ZNF695: variants seen among roughly 807,000 people sequenced by gnomAD.
The protein encoded by ZNF695 is zinc finger protein 695, also known as zinc finger protein SBZF3.
Under a neutral mutation model 11.2 loss-of-function variants are expected in ZNF695, and 11 were observed. The observed-to-expected ratio is 0.98, with a 90% CI of 0.62 to 1.62. The LOEUF (loss-of-function observed/expected upper bound fraction) is 1.62, where lower values mean the gene tolerates loss of function less well. Ranked by LOEUF, ZNF695 falls within the 40% of genes most tolerant of loss-of-function variation. ZNF695 has a pLI of 0.00. For synonymous variants in ZNF695, 190 were observed against 201.4 expected (o/e 0.94, Z 0.48); for missense variants, 559 against 590.5 (o/e 0.95, Z 0.55).
At chr1:246,980,295 A>G (rs1288714570) in intron 4 of ZNF695, among the ~76,000 whole-genome samples, 1 of 151,714 alleles carries the variant, frequency 6.6e-6, no homozygotes, top group East Asian at 1.9e-4. Context: ...AAAATGATAC[A>G]TTTAGTCACT....
intron 1 of ZNF695, among the ~76,000 whole-genome samples, chr1:247,003,543 A>T (rs886827706): frequency 6.6e-6 from 1 of 152,216 alleles, no homozygotes; most frequent in African/African-American, 2.4e-5. Context: ...AACAACCATG[A>T]AACAAAATTT....
intron 5 of ZNF695, among the ~76,000 whole-genome samples, chr1:246,955,135 C>T (rs1419424761): frequency 1.3e-5 from 2 of 152,162 alleles, no homozygotes; most frequent in Non-Finnish European, 2.9e-5. Context: ...GCCTTTGCTC[C>T]TCCTTCACCT....
intron 4 of ZNF695, chr1:246,969,385 A>G (rs1668368536): frequency 6.6e-6 from 1 of 152,248 alleles, no homozygotes; most frequent in African/African-American, 2.4e-5. Context: ...GTAGCTCCCA[A>G]TAAGGTCCTC....
At chr1:247,001,460 G>C (rs532776809) in intron 1 of ZNF695, among the ~76,000 whole-genome samples, 1 of 150,942 alleles carries the variant, frequency 6.6e-6, no homozygotes, top group South Asian at 2.1e-4. Flanking sequence ...AGCTGTAATC[G>C]CAGCACTTTG....
At chr1:246,964,554 G>A (rs1175043254) in intron 5 of ZNF695, among the ~76,000 whole-genome samples, 1 of 152,228 alleles carries the variant, frequency 6.6e-6, no homozygotes, top group Non-Finnish European at 1.5e-5. Flanking sequence ...TTGAATGTTT[G>A]TCTCTTCAGA....
chr1:246,999,213 G>A (rs990065300), intron 3 of ZNF695, 135 bp downstream of exon 3: 1 of 663,128 alleles, frequency 1.5e-6, no homozygotes. Flanking sequence ...CCCTATGTGG[G>A]AGCAAGAGAA....
rs545570210 is a variant in ZNF695, at chr1:247,005,702, G to A, written c.3+2204C>T. Among the ~76,000 whole-genome samples the A allele has an allele frequency of 5.9e-5, 9 of 151,794 alleles. No homozygotes were observed. In the South Asian group the frequency reaches 1.2e-3, roughly 21 times the overall value. On this transcript the variant is annotated intron_variant, in intron 1 of 3. Coordinates refer to ENST00000339986, the MANE Select transcript of ZNF695 (RefSeq NM_020394.5). ...AACAAAACAAACAAACAAAAAAAACGATAAAAAACAACAACAAAAAAACTT... is the reference window on the plus strand; with the variant it reads ...AACAAAACAAACAAACAAAAAAAACAATAAAAAACAACAACAAAAAAACTT...
At chr1:246,976,709 G>A (rs1057510412) in intron 4 of ZNF695, among the ~76,000 whole-genome samples, 23 of 152,168 alleles carry the variant, frequency 1.5e-4, no homozygotes, top group South Asian at 6.2e-4. Flanking sequence ...CAGAAGAATG[G>A]CATGAACCCG....
intron 5 of ZNF695, among the ~76,000 whole-genome samples, chr1:246,959,449 CAG>C (rs1241993410): frequency 6.8e-6 from 1 of 147,692 alleles, no homozygotes; most frequent in Non-Finnish European, 1.5e-5. Context: ...TGTTTTGAGA[CAG>C]AGTCTCACTC....
chr1:246,984,276 G>T (rs10924881), downstream of ZNF695, among the ~76,000 whole-genome samples: 4 of 132,890 alleles, frequency 3.0e-5, 1 homozygote, highest in Non-Finnish European at 6.2e-5. Flanking sequence ...CATAACACAG[G>T]TTTTAAAAAA....
intron 5 of ZNF695, among the ~76,000 whole-genome samples, chr1:246,960,457 T>C (rs1668135418): frequency 6.6e-6 from 1 of 152,210 alleles, no homozygotes; most frequent in Admixed American, 6.5e-5. Flanking sequence ...ACAGTTGGTA[T>C]TGTGTAGCAG....
chr1:246,954,566 A>G (rs1307208527), intron 5 of ZNF695, among the ~76,000 whole-genome samples: 1 of 152,166 alleles, frequency 6.6e-6, no homozygotes, highest in Non-Finnish European at 1.5e-5. Context: ...CAAGATTCTG[A>G]TTGTCTTGTC....
chr1:247,000,215 A>G (rs2103031799), intron 1 of ZNF695, 141 bp from the exon 2 acceptor site: 2 of 779,568 alleles, frequency 2.6e-6, no homozygotes, highest in East Asian at 5.8e-5. Flanking sequence ...TAACACAGAA[A>G]TATACTCTAG....
chr1:247,006,467 C>A (rs1316689090), intron 1 of ZNF695, among the ~76,000 whole-genome samples: 1 of 151,904 alleles, frequency 6.6e-6, no homozygotes, highest in Non-Finnish European at 1.5e-5. Flanking sequence ...AAAAATTAGC[C>A]GGGCATGGTG....
intron 3 of ZNF695, among the ~76,000 whole-genome samples, chr1:246,991,012 C>T (rs1462147063): frequency 3.3e-5 from 5 of 151,966 alleles, no homozygotes. Flanking sequence ...AGAGGGAAAA[C>T]TTCAACTAAA....
At chr1:246,998,783 T>A (rs1235311364) in intron 3 of ZNF695, among the ~76,000 whole-genome samples, 3 of 152,132 alleles carry the variant, frequency 2.0e-5, no homozygotes, top group African/African-American at 4.8e-5. Context: ...TGGGCTAACA[T>A]GGTGAAACCC....
At chr1:246,953,032 C>A (rs1242577607) in intron 5 of ZNF695, among the ~76,000 whole-genome samples, 1 of 152,128 alleles carries the variant, frequency 6.6e-6, no homozygotes, top group Non-Finnish European at 1.5e-5. Flanking sequence ...ATGTCCACCC[C>A]ACAATCCTCT....
At chr1:246,994,093 T>A (rs1238648566) in intron 3 of ZNF695, among the ~76,000 whole-genome samples, 1 of 152,060 alleles carries the variant, frequency 6.6e-6, no homozygotes, top group Non-Finnish European at 1.5e-5. Flanking sequence ...AAGAATCACT[T>A]GAACCTGGGC....
chr1:246,979,199 C>A (rs571623171), intron 4 of ZNF695, among the ~76,000 whole-genome samples: 1 of 152,234 alleles, frequency 6.6e-6, no homozygotes, highest in Non-Finnish European at 1.5e-5. Context: ...ACACTGAGAT[C>A]CACAAGGGGA....
Sources: allele counts gnomAD v4.1 joint callset (sites outside exome capture counted in the v4.1 genomes callset), GRCh38; gene constraint gnomAD v4.1.1; transcripts MANE v1.5; gene names NCBI Gene and HGNC (gene_info 2026-07-23, HGNC 2026-07-21).